Variants in MED12L observed in about 807,000 individuals in gnomAD.
MED12L encodes mediator of RNA polymerase II transcription subunit 12-like protein.
A neutral mutation model predicts 281.3 loss-of-function variants in MED12L; 60 were observed. That is an observed-to-expected ratio of 0.21 (90% confidence interval 0.17 to 0.26). The LOEUF (loss-of-function observed/expected upper bound fraction) is 0.26. Among genes scored for constraint, MED12L ranks in the 10% least tolerant of loss-of-function variants. The pLI, the probability that MED12L is intolerant of heterozygous loss-of-function variation, is 1.00. For missense variants in MED12L, 2,146 were observed against 2,680.9 expected, an observed-to-expected ratio of 0.80 and a Z score of 4.41; for synonymous variants, 974 against 987.2, an observed-to-expected ratio of 0.99 and a Z score of 0.25.
intron 32 of MED12L, among the ~76,000 whole-genome samples, chr3:151,381,508 G>A (rs1712338052): frequency 1.3e-5 from 2 of 152,136 alleles, no homozygotes; most frequent in South Asian, 4.1e-4. Context: ...TGAACTTGCT[G>A]AGCAAATTCT....
intron 5 of MED12L, among the ~76,000 whole-genome samples, chr3:151,138,756 G>T (rs980637893): frequency 1.3e-5 from 2 of 152,170 alleles, no homozygotes; most frequent in African/African-American, 4.8e-5. Flanking sequence ...CTATCACCAT[G>T]ACTTATGACT....
intron 2 of MED12L, among the ~76,000 whole-genome samples, chr3:151,092,019 G>A (rs1720115202): frequency 1.3e-5 from 2 of 152,208 alleles, no homozygotes; most frequent in Non-Finnish European, 2.9e-5. Flanking sequence ...GATGCTGGGG[G>A]TCTCCTGTTG....
In MED12L at chr3:151,385,022, T is replaced by C; in HGVS notation, c.4927-8T>C. Reference sequence around the variant, plus strand: ...TTCTCACTCTCTCTCTCTCTCTTTTTTCTTTAGAAAGAGCTAGGAGACAAG... The same window carrying C: ...TTCTCACTCTCTCTCTCTCTCTTTTCTCTTTAGAAAGAGCTAGGAGACAAG... On this transcript the variant is annotated splice_region_variant and splice_polypyrimidine_tract_variant and intron_variant, in intron 35 of 44. Transcript: ENST00000687756. The C allele has an allele frequency of 7.2e-7, 1 of 1,398,228 alleles. No homozygotes were observed. The highest frequency in any genetic ancestry group is 2.3e-5 in the East Asian group (1 of 43,608). The allele number at this position is 1,398,228 out of a possible 1,614,324, so 86.6% of individuals were successfully genotyped here. A position where few individuals can be genotyped will look rare whatever the true frequency, so the allele number is the denominator to read the frequency against.
At chr3:151,368,707 T>G (rs147921875) in intron 25 of MED12L, among the ~76,000 whole-genome samples, 7,401 of 64,758 alleles carry the variant, frequency 0.11, 987 homozygotes, top group African/African-American at 0.42. Context: ...TTCATTTCAT[T>G]TCATTTCATT....
intron 2 of MED12L, among the ~76,000 whole-genome samples, chr3:151,092,172 C>G (rs186027568): frequency 1.1e-3 from 175 of 152,292 alleles, no homozygotes; most frequent in African/African-American, 4.0e-3. Flanking sequence ...GGTTCCTGTC[C>G]CTTGCTCCCT....
At chr3:151,198,956 A>G (rs1725103901) in intron 16 of MED12L, 12 of 1,614,018 alleles carry the variant, frequency 7.4e-6, no homozygotes, top group Non-Finnish European at 9.3e-6. Flanking sequence ...CACCATTATA[A>G]GAAGGACCAT....
intron 16 of MED12L, among the ~76,000 whole-genome samples, chr3:151,285,553 G>C (rs557609642): frequency 6.6e-6 from 1 of 152,116 alleles, no homozygotes; most frequent in South Asian, 2.1e-4. Flanking sequence ...AGGGGAGCCA[G>C]GGATAAATGA....
chr3:151,211,594 AT>A (rs1255180054), intron 16 of MED12L, among the ~76,000 whole-genome samples: 1 of 152,036 alleles, frequency 6.6e-6, no homozygotes, highest in East Asian at 1.9e-4. Context: ...AATTTAGGGT[AT>A]TTTTTTCTGA....
intron 11 of MED12L, among the ~76,000 whole-genome samples, chr3:151,184,598 G>A (rs895213869): frequency 3.3e-5 from 5 of 152,110 alleles, no homozygotes; most frequent in Non-Finnish European, 5.9e-5. Context: ...CCCTATCCGC[G>A]ACTCATGTCA....
intron 5 of MED12L, among the ~76,000 whole-genome samples, chr3:151,148,887 GC>G (rs1718092416): frequency 2.0e-5 from 3 of 152,152 alleles, no homozygotes; most frequent in Admixed American, 1.3e-4. Context: ...TCCAATATTT[GC>G]CCGGCCCATT....
chr3:151,261,212 G>C (rs896309443), intron 16 of MED12L, among the ~76,000 whole-genome samples: 15 of 151,948 alleles, frequency 9.9e-5, no homozygotes, highest in African/African-American at 3.6e-4. Flanking sequence ...AGATTAGAGA[G>C]GTATTTTGCA....
chr3:151,354,213 C>T (rs1409554616), intron 17 of MED12L, among the ~76,000 whole-genome samples: 1 of 148,982 alleles, frequency 6.7e-6, no homozygotes, highest in African/African-American at 2.5e-5. Flanking sequence ...CCAACTTTTC[C>T]TTTTTGTTTT....
At chr3:151,334,286 A>G (rs185749443) in intron 16 of MED12L, among the ~76,000 whole-genome samples, 14 of 138,760 alleles carry the variant, frequency 1.0e-4, no homozygotes, top group Admixed American at 9.5e-4. Flanking sequence ...CTCACTACCT[A>G]TTGATTATGA....
At chr3:151,126,367 A>G (rs1395424606) in intron 4 of MED12L, among the ~76,000 whole-genome samples, 1 of 152,094 alleles carries the variant, frequency 6.6e-6, no homozygotes, top group Non-Finnish European at 1.5e-5. Context: ...TTACTGTGCA[A>G]CCCAGGCAGC....
At chr3:151,311,364 A>C (rs1045373622) in intron 16 of MED12L, among the ~76,000 whole-genome samples, 2 of 152,014 alleles carry the variant, frequency 1.3e-5, no homozygotes, top group Non-Finnish European at 1.5e-5. Flanking sequence ...TGTTGTTTAC[A>C]TTATGAAATT....
chr3:151,279,966 G>A (rs1360842925), intron 16 of MED12L, among the ~76,000 whole-genome samples: 1 of 152,042 alleles, frequency 6.6e-6, no homozygotes, highest in African/African-American at 2.4e-5. Flanking sequence ...GAGTATGACT[G>A]GGGAGAACAT....
At chr3:151,192,484 T>A in intron 14 of MED12L, 66 bp from the exon 15 acceptor site, 1 of 1,131,768 alleles carries the variant, frequency 8.8e-7, no homozygotes. Context: ...CTGTCATGTT[T>A]TAGCTTCAGT....
chr3:151,182,270 C>G (rs950447287), intron 11 of MED12L, among the ~76,000 whole-genome samples: 8 of 151,350 alleles, frequency 5.3e-5, no homozygotes, highest in Admixed American at 4.6e-4. Flanking sequence ...TAAGATAAAC[C>G]CAGTATTTGC....
intron 16 of MED12L, among the ~76,000 whole-genome samples, chr3:151,295,734 TG>T (rs1263635855): frequency 6.6e-6 from 1 of 152,216 alleles, no homozygotes; most frequent in African/African-American, 2.4e-5. Context: ...TTTTTGCCTG[TG>T]ACTTTCTTAT....
Sources: gnomAD v4.1 joint callset for allele counts (sites outside exome capture counted in the v4.1 genomes callset) on GRCh38, gnomAD v4.1.1 for gene constraint, MANE v1.5 for transcripts, NCBI Gene and HGNC (gene_info 2026-07-23, HGNC 2026-07-21) for gene names.